CCSER1: variants seen among roughly 807,000 people sequenced by gnomAD.
CCSER1 encodes the protein serine-rich coiled-coil domain-containing protein 1.
CCSER1 carries 41 observed loss-of-function variants against 82.0 expected under a neutral mutation model. The ratio of observed to expected loss-of-function variants is 0.50; its 90% CI spans 0.39 to 0.65. The LOEUF (loss-of-function observed/expected upper bound fraction) is 0.65, where lower values mean the gene tolerates loss of function less well. Among genes scored for constraint, CCSER1 ranks in the 30% least tolerant of loss-of-function variants. The pLI is 0.00. For missense variants in CCSER1, 1,119 were observed against 1,064.2 expected (o/e 1.05, Z -0.72); for synonymous variants, 414 against 383.9 (o/e 1.08, Z -0.92).
In CCSER1 at chr4:91,540,580, T is replaced by C. The variant is rs78999758; in HGVS notation, c.2218-57992T>C. On this transcript the variant is annotated intron_variant, in intron 10 of 10. Transcript: ENST00000509176. ...TTAATGAAGACTAGTTTATCAATTA[T>C]TTCTTTTATAGATTGTGCCTTTAGT... is the stretch of plus-strand genomic sequence containing the variant. 2.2e-4 allele frequency among the ~76,000 whole-genome samples: 33 copies of C among 152,268 alleles called. No individual in the cohort carries two copies. The East Asian group carries it at 6.4e-3, about 29-fold the overall frequency.
chr4:91,306,116 CAG>C (rs554884555), intron 10 of CCSER1, among the ~76,000 whole-genome samples: 102 of 149,556 alleles, frequency 6.8e-4, no homozygotes, highest in African/African-American at 2.4e-3. Flanking sequence ...AAATCCATAA[CAG>C]AAATTTTTTT....
At chr4:91,045,174 C>G (rs1742340095) in intron 9 of CCSER1, among the ~76,000 whole-genome samples, 1 of 152,102 alleles carries the variant, frequency 6.6e-6, no homozygotes, top group Non-Finnish European at 1.5e-5. Context: ...AATTATTTTA[C>G]CACTTGTAAA....
At chr4:90,977,851 T>C (rs530307025) in intron 9 of CCSER1, among the ~76,000 whole-genome samples, 1 of 151,836 alleles carries the variant, frequency 6.6e-6, no homozygotes, top group African/African-American at 2.4e-5. Flanking sequence ...AACATTGTAA[T>C]GATTCACTTA....
intron 10 of CCSER1, among the ~76,000 whole-genome samples, chr4:91,287,515 A>C (rs1743374672): frequency 6.6e-6 from 1 of 151,950 alleles, no homozygotes; most frequent in Non-Finnish European, 1.5e-5. Context: ...AGTAGTGAGG[A>C]CTAACATAAC....
At chr4:90,917,536 T>A (rs1024834013) in intron 8 of CCSER1, among the ~76,000 whole-genome samples, 6 of 152,020 alleles carry the variant, frequency 3.9e-5, no homozygotes, top group Non-Finnish European at 8.8e-5. Flanking sequence ...GGGGGAGGGA[T>A]AGCATTAGGA....
At chr4:91,415,325 G>A (rs919399850) in intron 10 of CCSER1, among the ~76,000 whole-genome samples, 2 of 152,054 alleles carry the variant, frequency 1.3e-5, no homozygotes, top group Non-Finnish European at 2.9e-5. Context: ...TGATGATGGG[G>A]TTTTCTAGAC....
Position 90,146,896 on chromosome 4 carries a change from T to C in CCSER1, c.-42+19065T>C, listed in dbSNP as rs184033605. ...GAATTATTTCCCTTTGAAGACACTATGATATTCTTTTAAAAGTAATTAACA... is the reference window on the plus strand; with the variant it reads ...GAATTATTTCCCTTTGAAGACACTACGATATTCTTTTAAAAGTAATTAACA... On this transcript the variant is annotated intron_variant, in intron 1 of 10. Coordinates refer to ENST00000509176, the MANE Select transcript of CCSER1 (RefSeq NM_001145065.2). Among the ~76,000 whole-genome samples, 14 of 152,192 alleles carry C rather than the reference T, an allele frequency of 9.2e-5. No homozygotes were observed. In the East Asian group the frequency reaches 1.9e-3, roughly 21 times the overall value.
chr4:91,544,245 G>T (rs547793701), intron 10 of CCSER1, among the ~76,000 whole-genome samples: 1 of 152,054 alleles, frequency 6.6e-6, no homozygotes, highest in African/African-American at 2.4e-5. Context: ...CAATGGGTCC[G>T]AACATCCTCC....
intron 3 of CCSER1, among the ~76,000 whole-genome samples, chr4:90,314,875 C>A: frequency 9.8e-6 from 1 of 101,638 alleles, no homozygotes; most frequent in African/African-American, 3.8e-5. Flanking sequence ...GAGACAGAGT[C>A]TCGCTCTGTC....
At chr4:91,400,593 TA>T in intron 10 of CCSER1, among the ~76,000 whole-genome samples, 1 of 150,154 alleles carries the variant, frequency 6.7e-6, no homozygotes, top group East Asian at 1.9e-4. Flanking sequence ...TAACAATAGT[TA>T]AAATATTTAT....
chr4:90,636,212 T>G (rs1049756227), intron 6 of CCSER1, among the ~76,000 whole-genome samples: 2 of 151,926 alleles, frequency 1.3e-5, no homozygotes, highest in African/African-American at 4.8e-5. Context: ...AAAAACAATT[T>G]TTTTGAAAAA....
chr4:90,651,332 T>C (rs1312878736), intron 6 of CCSER1, among the ~76,000 whole-genome samples: 1 of 152,164 alleles, frequency 6.6e-6, no homozygotes, highest in African/African-American at 2.4e-5. Flanking sequence ...ATGTGGCACA[T>C]ATACACTATG....
chr4:90,940,598 T>A (rs1731478669), intron 9 of CCSER1, among the ~76,000 whole-genome samples: 1 of 152,102 alleles, frequency 6.6e-6, no homozygotes, highest in Non-Finnish European at 1.5e-5. Flanking sequence ...TTTTGTGCTA[T>A]ATTCCAACGT....
At chr4:90,771,667 A>G (rs1752194411) in intron 7 of CCSER1, among the ~76,000 whole-genome samples, 1 of 151,878 alleles carries the variant, frequency 6.6e-6, no homozygotes, top group South Asian at 2.1e-4. Flanking sequence ...ATTGAGCCAT[A>G]ATGCATGAGG....
At chr4:90,598,009 T>C (rs1394417771) in intron 5 of CCSER1, among the ~76,000 whole-genome samples, 1 of 152,118 alleles carries the variant, frequency 6.6e-6, no homozygotes, top group Non-Finnish European at 1.5e-5. Flanking sequence ...TTTTGTTGTA[T>C]ATATATCACA....
intron 9 of CCSER1, among the ~76,000 whole-genome samples, chr4:91,059,006 T>A (rs770628676): frequency 2.0e-5 from 3 of 151,986 alleles, no homozygotes; most frequent in Non-Finnish European, 4.4e-5. Flanking sequence ...AGATACCAAA[T>A]CTATTTCCCA....
intron 1 of CCSER1, among the ~76,000 whole-genome samples, chr4:90,167,416 A>G (rs1283337030): frequency 6.6e-6 from 1 of 152,218 alleles, no homozygotes; most frequent in East Asian, 1.9e-4. Flanking sequence ...ACACACTCAT[A>G]CGTAGTCATT....
At chr4:90,311,041 G>T (rs1466256895) in intron 2 of CCSER1, among the ~76,000 whole-genome samples, 1 of 151,866 alleles carries the variant, frequency 6.6e-6, no homozygotes, top group Non-Finnish European at 1.5e-5. Context: ...TTACCCTTTT[G>T]TATAATTAAT....
At chr4:91,202,126 C>T (rs187477603) in intron 10 of CCSER1, among the ~76,000 whole-genome samples, 7 of 147,874 alleles carry the variant, frequency 4.7e-5, no homozygotes, top group Non-Finnish European at 1.0e-4. Flanking sequence ...TGCCTACTTA[C>T]ATTAATTAGG....
Sources: gnomAD v4.1 joint callset for allele counts (sites outside exome capture counted in the v4.1 genomes callset) on GRCh38, gnomAD v4.1.1 for gene constraint, MANE v1.5 for transcripts, NCBI Gene and HGNC (gene_info 2026-07-23, HGNC 2026-07-21) for gene names.